The following MCTP1 variants were observed in gnomAD, a reference collection of about 807,000 sequenced individuals.
MCTP1 encodes the protein multiple C2 and transmembrane domain-containing protein 1.
In MCTP1, 69 loss-of-function variants were observed where a neutral mutation model predicts 120.6. The ratio of observed to expected loss-of-function variants is 0.57; its 90% confidence interval spans 0.47 to 0.70. The LOEUF is 0.70. MCTP1 is among the 30% of genes least tolerant of loss of function. The probability of loss-of-function intolerance (pLI) is 0.00; values close to 1 mark genes in which losing one functional copy is unlikely to be tolerated. For synonymous variants in MCTP1, 529 were observed against 493.1 expected (o/e 1.07, Z -0.96); for missense variants, 1,203 against 1,248.8 (o/e 0.96, Z 0.55).
At chr5:95,238,964 A>C (rs1755862614) in intron 1 of MCTP1, among the ~76,000 whole-genome samples, 1 of 152,138 alleles carries the variant, frequency 6.6e-6, no homozygotes, top group South Asian at 2.1e-4. Context: ...TTCAGTATAC[A>C]TGTAGCTATG....
intron 20 of MCTP1, among the ~76,000 whole-genome samples, chr5:94,711,580 T>C (rs1231364677): frequency 6.6e-6 from 1 of 152,080 alleles, no homozygotes; most frequent in Non-Finnish European, 1.5e-5. Flanking sequence ...TACTATTATC[T>C]CTCATGTACT....
Position 94,706,794 on chromosome 5 carries a change from TTA to T in MCTP1, c.*700_*701del, listed in dbSNP as rs1269048260. The stretch of plus-strand genomic sequence containing the variant: ...CGTTTATAAACTGGCAGTATTTATG[TTA>T]TGTAGTCCTGTAGAGATTTTAAGGT... On this transcript the variant is annotated 3_prime_UTR_variant, in exon 23 of 23. Transcript: ENST00000515393. 1 of 151,996 alleles carries T rather than the reference TTA, an allele frequency of 6.6e-6. No homozygotes were observed. Among genetic ancestry groups the T allele is most frequent in the African/African-American group, 2.4e-5 (1 of 41,510 alleles). 9.4% of individuals were successfully genotyped at this position (151,996 alleles called of 1,614,324 possible).
At chr5:94,858,212 C>T (rs17084157) in intron 17 of MCTP1, among the ~76,000 whole-genome samples, 10,324 of 151,552 alleles carry the variant, frequency 0.068, 482 homozygotes, top group East Asian at 0.24. Context: ...TTGGGAAAAG[C>T]GTCATTTATA....
At position 95,285,046 on chromosome 5, in the gene MCTP1, GC is replaced by G. The variant is rs1324928833; in HGVS notation, c.-472del. 6.6e-6 allele frequency among the ~76,000 whole-genome samples: 1 copy of G among 152,126 alleles called. No individual in the cohort carries two copies. The highest frequency in any genetic ancestry group is 1.5e-5 in the Non-Finnish European group (1 of 67,982). ...GCAGCACCTGTCAGCGGCGGGGGCG[GC>G]TGCCTCCAAATTGGGCGCGCACGCG... is the stretch of plus-strand genomic sequence containing the variant. On this transcript the variant is annotated 5_prime_UTR_variant, in exon 1 of 23. Coordinates refer to ENST00000515393, the MANE Select transcript of MCTP1 (RefSeq NM_024717.7).
chr5:94,744,662 C>A (rs1766458354), intron 19 of MCTP1, among the ~76,000 whole-genome samples: 2 of 152,174 alleles, frequency 1.3e-5, no homozygotes, highest in African/African-American at 4.8e-5. Flanking sequence ...TGCCACCACA[C>A]TGGGCTAATT....
At position 95,159,678 on chromosome 5, in the gene MCTP1, AT is replaced by A. The variant is rs202030477; in HGVS notation, c.720+124177del. Among the ~76,000 whole-genome samples, 6 of 151,340 alleles carry A rather than the reference AT, an allele frequency of 4.0e-5. No homozygotes were observed. The South Asian group carries it at 6.3e-4, about 16-fold the overall frequency. On this transcript the variant is annotated intron_variant, in intron 1 of 22. Transcript: ENST00000515393. ...TCAGAATTTCTGAAGCACAACTTTGATTTTTTTTTCAAGTTCCACTTGTGAG... is the reference window on the plus strand; with the variant it reads ...TCAGAATTTCTGAAGCACAACTTTGATTTTTTTTCAAGTTCCACTTGTGAG...
intron 1 of MCTP1, among the ~76,000 whole-genome samples, chr5:95,145,469 T>C (rs1445721200): frequency 6.6e-6 from 1 of 152,172 alleles, no homozygotes; most frequent in Non-Finnish European, 1.5e-5. Flanking sequence ...CTTATCTTGT[T>C]CTAGTTCTCA....
chr5:94,879,455 C>T (rs1294365581), intron 12 of MCTP1, among the ~76,000 whole-genome samples: 2 of 152,022 alleles, frequency 1.3e-5, no homozygotes, highest in Admixed American at 6.6e-5. Flanking sequence ...CCCACTGGGG[C>T]AATACTACCC....
At chr5:94,836,890 AT>A (rs1304744320) in intron 17 of MCTP1, among the ~76,000 whole-genome samples, 1 of 152,244 alleles carries the variant, frequency 6.6e-6, no homozygotes, top group Non-Finnish European at 1.5e-5. Context: ...AATTGGGAAT[AT>A]GTTCTGTTAT....
In MCTP1 at chr5:94,870,945, A is replaced by T. The variant is rs1277890668; in HGVS notation, c.2168T>A (p.Val723Asp). The change falls in exon 15 of 23, where the codon GTC becomes GAC. Residue 723 changes from valine to aspartate, a missense_variant. Val to Asp is a radical substitution (Grantham distance 152, BLOSUM62 -3). Around this residue, in one of 2 missense-constraint regions of MCTP1, gnomAD observed 740 missense variants for 871.1 expected, o/e 0.85. Coordinates refer to ENST00000515393, the MANE Select transcript of MCTP1 (RefSeq NM_024717.7). ...CCCTGTCAGCTGCTTGTTTTTCAAG[A>T]CGTAGGCTTTCTGTTCACCATTTTG... ...SIQNGEQKAY[V>D]LKNKQLTGPT... is the part of the protein sequence containing the mutation. 1 of 1,613,102 alleles carries T rather than the reference A, an allele frequency of 6.2e-7. No individual in the cohort carries two copies. The highest frequency in any genetic ancestry group is 8.5e-7 in the Non-Finnish European group (1 of 1,179,408).
chr5:95,261,760 A>G (rs1406173575), intron 1 of MCTP1, among the ~76,000 whole-genome samples: 2 of 152,214 alleles, frequency 1.3e-5, no homozygotes. Flanking sequence ...GTTCTTGTAA[A>G]TGTTCTCTGC....
intron 1 of MCTP1, among the ~76,000 whole-genome samples, chr5:95,238,450 A>T (rs1173841117): frequency 6.6e-6 from 1 of 152,122 alleles, no homozygotes; most frequent in Non-Finnish European, 1.5e-5. Context: ...GGGGGCTAAC[A>T]CTGTTTCCAA....
chr5:95,165,324 A>G (rs1305364575), intron 1 of MCTP1, among the ~76,000 whole-genome samples: 1 of 152,180 alleles, frequency 6.6e-6, no homozygotes, highest in Admixed American at 6.5e-5. Context: ...GGAGAGATAA[A>G]CCACCAAATT....
At chr5:95,214,610 C>G (rs1391785280) in intron 1 of MCTP1, among the ~76,000 whole-genome samples, 1 of 152,098 alleles carries the variant, frequency 6.6e-6, no homozygotes, top group East Asian at 1.9e-4. Flanking sequence ...GACTTGGAAC[C>G]ACTCCAAATG....
At chr5:94,901,463 A>G (rs955038366) in intron 10 of MCTP1, among the ~76,000 whole-genome samples, 3 of 152,152 alleles carry the variant, frequency 2.0e-5, no homozygotes, top group African/African-American at 7.2e-5. Flanking sequence ...GCTTCCTAGT[A>G]TTCCCTGACT....
chr5:94,940,607 CAT>C (rs1227709807), intron 4 of MCTP1, among the ~76,000 whole-genome samples: 2 of 145,188 alleles, frequency 1.4e-5, no homozygotes, highest in Non-Finnish European at 3.0e-5. Flanking sequence ...TACACATATA[CAT>C]ATATATGTGT....
At chr5:95,083,604 G>A (rs1032977272) in intron 1 of MCTP1, among the ~76,000 whole-genome samples, 9 of 152,140 alleles carry the variant, frequency 5.9e-5, no homozygotes, top group African/African-American at 2.2e-4. Context: ...GTTGGTTGTT[G>A]TATCTGCTAC....
intron 1 of MCTP1, among the ~76,000 whole-genome samples, chr5:95,030,053 G>A (rs771799832): frequency 3.3e-5 from 5 of 152,176 alleles, no homozygotes; most frequent in African/African-American, 1.2e-4. Context: ...AGAGGTTCTC[G>A]CCTGAGCCCA....
intron 2 of MCTP1, among the ~76,000 whole-genome samples, chr5:94,984,868 ATTTTC>A (rs1830173097): frequency 6.6e-6 from 1 of 152,302 alleles, no homozygotes; most frequent in Middle Eastern, 3.4e-3. Context: ...AATATTTGAC[ATTTTC>A]TTTACTCAAA....
Sources: allele counts gnomAD v4.1 joint callset (sites outside exome capture counted in the v4.1 genomes callset), GRCh38; gene constraint gnomAD v4.1.1; regional missense constraint gnomAD v4.1.1; transcripts MANE v1.5; gene names NCBI Gene and HGNC (gene_info 2026-07-23, HGNC 2026-07-21).